Variants in SSH2 observed in about 807,000 individuals in gnomAD.
SSH2 encodes protein phosphatase Slingshot homolog 2.
SSH2 carries 37 observed loss-of-function variants against 135.2 expected under a neutral mutation model. The observed-to-expected ratio is 0.27, with a 90% CI of 0.21 to 0.36. SSH2 has a LOEUF of 0.36. Among genes scored for constraint, SSH2 ranks in the 10% least tolerant of loss-of-function variants. SSH2 has a pLI of 1.00. For missense variants in SSH2, 1,408 were observed against 1,765.3 expected (o/e 0.80, Z 3.63); for synonymous variants, 628 against 646.2 (o/e 0.97, Z 0.43).
At chr17:29,791,003 C>T (rs1181862814) in intron 3 of SSH2, among the ~76,000 whole-genome samples, 2 of 152,086 alleles carry the variant, frequency 1.3e-5, no homozygotes, top group Non-Finnish European at 2.9e-5. Context: ...GCTGGGATTA[C>T]AGGTGTGAGC....
rs200752788 is a variant in SSH2, at chr17:29,733,910, C to CTT, written c.189-30850_189-30849dup. 4.9e-3 allele frequency among the ~76,000 whole-genome samples: 634 copies of CTT among 130,470 alleles called. 10 individuals carry two copies. Among genetic ancestry groups the CTT allele is most frequent in the African/African-American group, 0.017 (583 of 35,002 alleles). 85.6% of individuals were successfully genotyped at this position (130,470 alleles called of 152,430 possible). Reference sequence around the variant, plus strand: ...CCTTTACAGGGTGTTTAATTTCTTTCTTTTTTTTTTTTTTTTTTGAGATGG... The same window carrying CTT: ...CCTTTACAGGGTGTTTAATTTCTTTCTTTTTTTTTTTTTTTTTTTTGAGATGG... On this transcript the variant is annotated intron_variant, in intron 3 of 15. Coordinates refer to ENST00000540801, the MANE Select transcript of SSH2 (RefSeq NM_001282129.2).
chr17:29,893,398 A>G (rs2066386386), intron 1 of SSH2, among the ~76,000 whole-genome samples: 1 of 152,170 alleles, frequency 6.6e-6, no homozygotes, highest in Non-Finnish European at 1.5e-5. Context: ...TCAGGCCTTC[A>G]GGAAGTAAGT....
chr17:29,654,669 A>G (rs1478981547), intron 12 of SSH2, among the ~76,000 whole-genome samples: 1 of 152,228 alleles, frequency 6.6e-6, no homozygotes, highest in African/African-American at 2.4e-5. Flanking sequence ...GGCATCAGCT[A>G]AGGGAAAAAT....
intron 3 of SSH2, among the ~76,000 whole-genome samples, chr17:29,778,014 A>G (rs1443853211): frequency 1.3e-5 from 2 of 150,862 alleles, no homozygotes; most frequent in Admixed American, 6.6e-5. Context: ...GCTTTTCCCC[A>G]TTCCTCTTTC....
intron 2 of SSH2, among the ~76,000 whole-genome samples, chr17:29,817,755 C>CTTTA (rs551929434): frequency 1.3e-4 from 19 of 151,976 alleles, no homozygotes; most frequent in South Asian, 1.2e-3. Flanking sequence ...CTCTTGTATA[C>CTTTA]TTTATTTATT....
At chr17:29,738,577 G>A (rs1182768217) in intron 3 of SSH2, among the ~76,000 whole-genome samples, 7 of 143,376 alleles carry the variant, frequency 4.9e-5, no homozygotes, top group African/African-American at 7.8e-5. Context: ...TTTTTGAGAC[G>A]GAGTCTCGCT....
chr17:29,635,530 G>A (rs900169510), intron 15 of SSH2, among the ~76,000 whole-genome samples: 27 of 136,402 alleles, frequency 2.0e-4, no homozygotes, highest in Non-Finnish European at 2.8e-4. Flanking sequence ...TCAGCCTCCC[G>A]AGTAGCTGGG....
intron 1 of SSH2, among the ~76,000 whole-genome samples, chr17:29,920,356 C>T (rs2066955146): frequency 6.6e-6 from 1 of 152,226 alleles, no homozygotes; most frequent in Admixed American, 6.5e-5. Flanking sequence ...AAGGCCTTCT[C>T]TTTTTCTGGG....
intron 2 of SSH2, 74 bp downstream of exon 2, chr17:29,848,775 T>A: frequency 9.9e-7 from 1 of 1,006,564 alleles, no homozygotes; most frequent in Non-Finnish European, 1.5e-6. Flanking sequence ...ATCAGTTGCA[T>A]TTAATAGCCA....
At chr17:29,699,161 A>G (rs2151114678) in intron 4 of SSH2, among the ~76,000 whole-genome samples, 1 of 152,246 alleles carries the variant, frequency 6.6e-6, no homozygotes, top group Non-Finnish European at 1.5e-5. Context: ...CCTACCATAT[A>G]CTTCATTTCT....
At chr17:29,801,760 T>C (rs2151314358) in intron 2 of SSH2, among the ~76,000 whole-genome samples, 1 of 152,342 alleles carries the variant, frequency 6.6e-6, no homozygotes, top group African/African-American at 2.4e-5. Flanking sequence ...CAATGCCCTA[T>C]GTGCAGATGG....
At chr17:29,635,820 G>C (rs2035893503) in intron 15 of SSH2, 148 bp downstream of exon 15, 1 of 709,328 alleles carries the variant, frequency 1.4e-6, no homozygotes. Flanking sequence ...ATTCCCAAAA[G>C]GCAAATTATT....
chr17:29,857,656 A>T (rs2151400583), intron 1 of SSH2, among the ~76,000 whole-genome samples: 1 of 152,244 alleles, frequency 6.6e-6, no homozygotes. Context: ...GGTAATTTTT[A>T]AAATTTTTCT....
At chr17:29,906,291 G>A (rs113787784) in intron 1 of SSH2, among the ~76,000 whole-genome samples, 368 of 152,230 alleles carry the variant, frequency 2.4e-3, no homozygotes, top group Non-Finnish European at 4.5e-3. Context: ...AAATGGTGCT[G>A]GAAGAACTGG....
chr17:29,690,519 C>T (rs2038424316), intron 5 of SSH2, among the ~76,000 whole-genome samples: 2 of 151,692 alleles, frequency 1.3e-5, no homozygotes, highest in African/African-American at 4.8e-5. Context: ...CAGTAAACTA[C>T]ATTATAAAGG....
At chr17:29,913,657 G>T (rs1359973294) in intron 1 of SSH2, among the ~76,000 whole-genome samples, 2 of 149,264 alleles carry the variant, frequency 1.3e-5, no homozygotes, top group African/African-American at 2.5e-5. Flanking sequence ...TTTTTGAGAC[G>T]GAGTTTCATT....
At chr17:29,869,535 T>C (rs2065906265) in intron 1 of SSH2, among the ~76,000 whole-genome samples, 1 of 152,100 alleles carries the variant, frequency 6.6e-6, no homozygotes, top group Admixed American at 6.6e-5. Context: ...AGGACAAGAA[T>C]TTAGCCCTAA....
chr17:29,701,268 G>A (rs560482746), intron 4 of SSH2, among the ~76,000 whole-genome samples: 44 of 152,170 alleles, frequency 2.9e-4, no homozygotes, highest in African/African-American at 9.9e-4. Context: ...ACTGTGCCCG[G>A]CCTAATTTTT....
chr17:29,665,737 AG>A (rs1209788492), intron 11 of SSH2, among the ~76,000 whole-genome samples: 1 of 152,240 alleles, frequency 6.6e-6, no homozygotes, highest in Non-Finnish European at 1.5e-5. Context: ...TGTACAGATA[AG>A]AACTAAAACT....
Sources: allele counts gnomAD v4.1 joint callset (sites outside exome capture counted in the v4.1 genomes callset), GRCh38; gene constraint gnomAD v4.1.1; transcripts MANE v1.5; gene names NCBI Gene and HGNC (gene_info 2026-07-23, HGNC 2026-07-21).